The following GUCY1A2 variants were observed in gnomAD, a reference collection of about 807,000 sequenced individuals.
GUCY1A2 encodes the protein guanylate cyclase soluble subunit alpha-2.
GUCY1A2 carries 27 observed loss-of-function variants against 63.5 expected under a neutral mutation model. That is an observed-to-expected ratio of 0.43 (90% CI 0.31 to 0.59). GUCY1A2 has a LOEUF of 0.59. Among genes scored for constraint, GUCY1A2 ranks in the 20% least tolerant of loss-of-function variants. The pLI, the probability that GUCY1A2 is intolerant of heterozygous loss-of-function variation, is 0.11. For missense variants in GUCY1A2, 768 were observed against 913.3 expected (o/e 0.84, Z 2.05); for synonymous variants, 364 against 343.5 (o/e 1.06, Z -0.66).
chr11:106,731,923 T>C (rs1158342096), intron 6 of GUCY1A2, among the ~76,000 whole-genome samples: 4 of 152,120 alleles, frequency 2.6e-5, no homozygotes, highest in Non-Finnish European at 1.5e-5. Context: ...GGAAAAACAT[T>C]CTATGTTCAT....
rs531807517 is a variant in GUCY1A2 at position 106,683,918 on chromosome 11, G to A, written c.*3631C>T. On this transcript the variant is annotated 3_prime_UTR_variant, in exon 8 of 8. Transcript: ENST00000526355. ...GATTCTATACAAAACACAGAGCCTG[G>A]TGGGGTTTTCAGAATTCTCCATGGC... 9.9e-6 allele frequency: 2 copies of A among 201,942 alleles called. No individual in the cohort carries two copies. The highest frequency in any genetic ancestry group is 1.9e-4 in the South Asian group (1 of 5,276). 12.5% of individuals were successfully genotyped at this position (201,942 alleles called of 1,614,324 possible). A position where few individuals can be genotyped will look rare whatever the true frequency, so the allele number is the denominator to read the frequency against.
At chr11:106,926,569 G>C (rs1860525379) in intron 4 of GUCY1A2, among the ~76,000 whole-genome samples, 1 of 151,960 alleles carries the variant, frequency 6.6e-6, no homozygotes, top group African/African-American at 2.4e-5. Flanking sequence ...CTTCCCCTTA[G>C]AATTATCAAA....
intron 6 of GUCY1A2, among the ~76,000 whole-genome samples, chr11:106,731,464 G>T (rs1270911034): frequency 6.6e-6 from 1 of 152,018 alleles, no homozygotes; most frequent in Non-Finnish European, 1.5e-5. Context: ...CATTTCCCTT[G>T]AAAGCCGGAA....
At chr11:106,752,141 G>C (rs1310116357) in intron 6 of GUCY1A2, among the ~76,000 whole-genome samples, 1 of 152,234 alleles carries the variant, frequency 6.6e-6, no homozygotes, top group East Asian at 1.9e-4. Context: ...GAGATAGTGA[G>C]TGTTGGAGAT....
intron 6 of GUCY1A2, among the ~76,000 whole-genome samples, chr11:106,741,543 G>A (rs886226344): frequency 1.3e-5 from 2 of 152,250 alleles, no homozygotes; most frequent in African/African-American, 4.8e-5. Flanking sequence ...GGGAGAACAG[G>A]TTATGGTATT....
At chr11:106,879,365 T>A (rs959825530) in intron 4 of GUCY1A2, among the ~76,000 whole-genome samples, 1 of 151,998 alleles carries the variant, frequency 6.6e-6, no homozygotes, top group Admixed American at 6.6e-5. Context: ...AAACATGTAC[T>A]CAAAAAACTA....
chr11:106,721,901 AC>A (rs1301275194), intron 6 of GUCY1A2, among the ~76,000 whole-genome samples: 3 of 152,164 alleles, frequency 2.0e-5, no homozygotes, highest in Non-Finnish European at 2.9e-5. Flanking sequence ...CACCCATAGT[AC>A]CTATCACCTT....
At chr11:106,774,403 T>C (rs1864318637) in intron 6 of GUCY1A2, among the ~76,000 whole-genome samples, 1 of 152,178 alleles carries the variant, frequency 6.6e-6, no homozygotes, top group African/African-American at 2.4e-5. Context: ...GTGCTGGGAT[T>C]ACAGACGTAA....
chr11:106,922,943 G>T (rs1213009275), intron 4 of GUCY1A2, among the ~76,000 whole-genome samples: 1 of 151,734 alleles, frequency 6.6e-6, no homozygotes, highest in Non-Finnish European at 1.5e-5. Flanking sequence ...GGGACTCGAG[G>T]TCAAAATTCG....
intron 5 of GUCY1A2, among the ~76,000 whole-genome samples, chr11:106,787,415 G>T (rs202064685): frequency 5.2e-4 from 71 of 135,918 alleles, no homozygotes; most frequent in African/African-American, 9.2e-4. Flanking sequence ...GCCTTACTTT[G>T]TTTTTTTTTT....
intron 5 of GUCY1A2, among the ~76,000 whole-genome samples, chr11:106,796,585 G>T (rs1430234174): frequency 6.6e-6 from 1 of 152,126 alleles, no homozygotes; most frequent in African/African-American, 2.4e-5. Flanking sequence ...TTTTCTTTAA[G>T]AATGTTGAAT....
rs116827020 is a variant in GUCY1A2 at position 106,991,775 on chromosome 11, G to A, written c.304-5644C>T. Among the ~76,000 whole-genome samples the A allele has an allele frequency of 8.3e-3, 1,256 of 152,212 alleles. 11 individuals are homozygous for A. The highest frequency in any genetic ancestry group is 0.028 in the African/African-American group (1,163 of 41,516). On this transcript the variant is annotated intron_variant, in intron 1 of 7. Coordinates refer to ENST00000526355, the MANE Select transcript of GUCY1A2 (RefSeq NM_000855.3). ...GCTATGCTGCTTGAAGCATAAATAC[G>A]AGATTTTTTTCTTTAATCTCACAGT...
At chr11:106,922,578 T>C (rs1860460168) in intron 4 of GUCY1A2, among the ~76,000 whole-genome samples, 1 of 148,948 alleles carries the variant, frequency 6.7e-6, no homozygotes, top group Non-Finnish European at 1.5e-5. Flanking sequence ...TTTTAAAAAA[T>C]CTATACTTCA....
intron 4 of GUCY1A2, among the ~76,000 whole-genome samples, chr11:106,815,012 A>C (rs1858812590): frequency 6.6e-6 from 1 of 152,154 alleles, no homozygotes; most frequent in African/African-American, 2.4e-5. Flanking sequence ...TAAAGAGGGC[A>C]TAAGAAAATA....
At chr11:106,791,727 G>C (rs1015103289) in intron 5 of GUCY1A2, among the ~76,000 whole-genome samples, 1 of 152,038 alleles carries the variant, frequency 6.6e-6, no homozygotes, top group African/African-American at 2.4e-5. Context: ...AGTCAAATTT[G>C]TCACATGCTT....
intron 4 of GUCY1A2, among the ~76,000 whole-genome samples, chr11:106,851,209 T>C (rs904756629): frequency 6.6e-6 from 1 of 151,892 alleles, no homozygotes; most frequent in South Asian, 2.1e-4. Flanking sequence ...GTTTTGTTTT[T>C]TGCTGTTGAT....
intron 6 of GUCY1A2, among the ~76,000 whole-genome samples, chr11:106,731,417 A>G (rs1565272134): frequency 6.6e-6 from 1 of 152,310 alleles, no homozygotes; most frequent in Middle Eastern, 3.4e-3. Flanking sequence ...TGACAAATCC[A>G]CAATCAACAT....
At chr11:106,836,206 A>G (rs1459826632) in intron 4 of GUCY1A2, among the ~76,000 whole-genome samples, 1 of 151,866 alleles carries the variant, frequency 6.6e-6, no homozygotes, top group Non-Finnish European at 1.5e-5. Flanking sequence ...ATAACTTTTG[A>G]CTCCCCTGAA....
intron 5 of GUCY1A2, among the ~76,000 whole-genome samples, chr11:106,789,236 ATTCT>A (rs1020645147): frequency 8.5e-5 from 13 of 152,320 alleles, no homozygotes; most frequent in African/African-American, 3.1e-4. Flanking sequence ...AAGCTCACTA[ATTCT>A]TTCTTCGGCT....
Sources: allele counts gnomAD v4.1 joint callset (sites outside exome capture counted in the v4.1 genomes callset), GRCh38; gene constraint gnomAD v4.1.1; transcripts MANE v1.5; gene names NCBI Gene and HGNC (gene_info 2026-07-23, HGNC 2026-07-21).